The following RBFOX1 variants were observed in gnomAD, a reference collection of about 807,000 sequenced individuals.
RBFOX1 encodes RNA binding protein fox-1 homolog 1.
Under a neutral mutation model 57.7 loss-of-function variants are expected in RBFOX1, and 8 were observed. The observed-to-expected ratio is 0.14, with a 90% CI of 0.08 to 0.25. The LOEUF (loss-of-function observed/expected upper bound fraction) is 0.25. Among genes scored for constraint, RBFOX1 ranks in the 10% least tolerant of loss-of-function variants. The probability of loss-of-function intolerance (pLI) is 1.00; values close to 1 mark genes in which losing one functional copy is unlikely to be tolerated. For missense variants in RBFOX1, 611 were observed against 548.5 expected, an observed-to-expected ratio of 1.11 and a Z score of -1.14; for synonymous variants, 326 against 222.4, an observed-to-expected ratio of 1.47 and a Z score of -4.15.
intron 1 of RBFOX1, among the ~76,000 whole-genome samples, chr16:5,388,892 TTAAAAA>T (rs1482840511): frequency 4.6e-5 from 7 of 150,968 alleles, no homozygotes; most frequent in Non-Finnish European, 8.9e-5. Context: ...TGTTTATTTC[TTAAAAA>T]TAAAGGTAAG....
chr16:6,703,220 T>A (rs59799836), intron 3 of RBFOX1, among the ~76,000 whole-genome samples: 9,060 of 152,270 alleles, frequency 0.059, 651 homozygotes, highest in East Asian at 0.39. Context: ...CTGTAAATAA[T>A]GCTTCTATTA....
intron 4 of RBFOX1, among the ~76,000 whole-genome samples, chr16:5,880,408 C>G (rs541677155): frequency 6.6e-6 from 1 of 152,304 alleles, no homozygotes; most frequent in Non-Finnish European, 1.5e-5. Context: ...GGACAAGGAT[C>G]TTTTAAGTCT....
chr16:5,688,421 A>G (rs1016264095), intron 3 of RBFOX1, among the ~76,000 whole-genome samples: 2 of 152,244 alleles, frequency 1.3e-5, no homozygotes, highest in Non-Finnish European at 2.9e-5. Flanking sequence ...GTACAAAGCT[A>G]GTTACCCTCA....
intron 3 of RBFOX1, among the ~76,000 whole-genome samples, chr16:6,846,573 A>G (rs2093766390): frequency 6.6e-6 from 1 of 152,212 alleles, no homozygotes. Flanking sequence ...CTGCAATGCG[A>G]GATTGGAGCT....
At chr16:6,789,224 A>G (rs998046164) in intron 3 of RBFOX1, among the ~76,000 whole-genome samples, 9 of 152,142 alleles carry the variant, frequency 5.9e-5, no homozygotes, top group Admixed American at 1.3e-4. Context: ...ACGTGACAAG[A>G]TGAATGTCAT....
chr16:7,071,427 A>C (rs745308726), intron 4 of RBFOX1, among the ~76,000 whole-genome samples: 5 of 152,152 alleles, frequency 3.3e-5, no homozygotes, highest in Non-Finnish European at 5.9e-5. Context: ...AGCTGCAGGA[A>C]GTGTGGCAGA....
intron 10 of RBFOX1, among the ~76,000 whole-genome samples, chr16:7,630,281 A>G (rs763672731): frequency 1.3e-5 from 2 of 151,956 alleles, no homozygotes; most frequent in African/African-American, 2.4e-5. Flanking sequence ...GCTCCCTCCA[A>G]TATTTCTCAA....
At chr16:6,888,439 A>C (rs1239017837) in intron 3 of RBFOX1, among the ~76,000 whole-genome samples, 1 of 152,166 alleles carries the variant, frequency 6.6e-6, no homozygotes, top group Admixed American at 6.5e-5. Context: ...TGTTCTCTTT[A>C]TATAGTCACT....
chr16:6,828,788 C>G (rs77715897), intron 3 of RBFOX1, among the ~76,000 whole-genome samples: 3 of 152,064 alleles, frequency 2.0e-5, no homozygotes, highest in East Asian at 1.9e-4. Context: ...CCGAGAATAC[C>G]TACGTTTGGT....
At chr16:6,375,291 A>G (rs1596314012) in intron 2 of RBFOX1, among the ~76,000 whole-genome samples, 2 of 150,226 alleles carry the variant, frequency 1.3e-5, no homozygotes, top group East Asian at 1.9e-4. Context: ...GAGTGGGGAA[A>G]AAAAACAAAA....
chr16:6,326,971 A>G (rs1422154683), intron 2 of RBFOX1, among the ~76,000 whole-genome samples: 1 of 152,236 alleles, frequency 6.6e-6, no homozygotes, highest in Non-Finnish European at 1.5e-5. Context: ...ATTTTGGAGC[A>G]GAATCCACAT....
chr16:5,857,166 G>C (rs570903048), intron 3 of RBFOX1, among the ~76,000 whole-genome samples: 6 of 152,226 alleles, frequency 3.9e-5, no homozygotes, highest in African/African-American at 1.2e-4. Context: ...AGAATAGGGA[G>C]ACCTGAGGAG....
chr16:6,246,741 T>C (rs1598772837), intron 1 of RBFOX1, among the ~76,000 whole-genome samples: 1 of 152,226 alleles, frequency 6.6e-6, no homozygotes, highest in Non-Finnish European at 1.5e-5. Flanking sequence ...TCCAGGCTGG[T>C]GCTGCCGCGG....
chr16:6,248,117 G>C (rs943966695), intron 1 of RBFOX1, among the ~76,000 whole-genome samples: 2 of 152,150 alleles, frequency 1.3e-5, no homozygotes, highest in Admixed American at 6.5e-5. Context: ...TTCCATAATA[G>C]GAGCCAGTGT....
intron 1 of RBFOX1, chr16:5,270,296 A>G: frequency 1.5e-6 from 1 of 672,322 alleles, no homozygotes; most frequent in Non-Finnish European, 2.7e-6. Flanking sequence ...TGTTCAATGT[A>G]AGAAATATTG....
chr16:5,366,421 C>G (rs1030113892), intron 1 of RBFOX1: 1 of 444,720 alleles, frequency 2.2e-6, no homozygotes, highest in Non-Finnish European at 4.3e-6. Context: ...AAAATGCACA[C>G]AAGTCAAATC....
rs558008502 is a variant in RBFOX1, at chr16:5,574,231, G to A, written c.259-24671G>A. On this transcript the variant is annotated intron_variant, in intron 2 of 2. Coordinates refer to the RBFOX1 transcript ENST00000585867. ...AAGAAACAAAGGCTCAGAAAGTGCC[G>A]TGATTTCGTACAGTTTGATGCAGTG... 3.5e-4 allele frequency among the ~76,000 whole-genome samples: 54 copies of A among 152,266 alleles called. 1 individual carries two copies. In the Middle Eastern group the frequency reaches 0.01, roughly 29 times the overall value.
intron 2 of RBFOX1, among the ~76,000 whole-genome samples, chr16:6,473,670 A>C (rs1640968): frequency 0.37 from 56,561 of 151,974 alleles, 11,547 homozygotes; most frequent in South Asian, 0.6. Context: ...AAGGAGTCAG[A>C]CATCCTCACT....
At chr16:7,266,499 C>G (rs1466512306) in intron 4 of RBFOX1, among the ~76,000 whole-genome samples, 2 of 152,182 alleles carry the variant, frequency 1.3e-5, no homozygotes, top group Non-Finnish European at 2.9e-5. Context: ...ATTACTCAGT[C>G]TCTGGTATTT....
Sources: allele counts gnomAD v4.1 joint callset (sites outside exome capture counted in the v4.1 genomes callset), GRCh38; gene constraint gnomAD v4.1.1; transcripts MANE v1.5; gene names NCBI Gene and HGNC (gene_info 2026-07-23, HGNC 2026-07-21).